The following ERV3-1 variants were observed in gnomAD, a reference collection of about 807,000 sequenced individuals.
The protein encoded by ERV3-1 is endogenous retrovirus group 3 member 1 Env polyprotein.
Under a neutral mutation model 24.6 loss-of-function variants are expected in ERV3-1, and 36 were observed. The ratio of observed to expected loss-of-function variants is 1.47; its 90% CI spans 1.12 to 1.94. ERV3-1 has a LOEUF of 1.94. Among genes scored for constraint, ERV3-1 ranks in the 30% most tolerant of loss-of-function variants. ERV3-1 has a pLI of 0.00. For synonymous variants in ERV3-1, 211 were observed against 122.6 expected (o/e 1.72, Z -4.76); for missense variants, 578 against 330.9 (o/e 1.75, Z -5.79).
In ERV3-1 at chr7:64,991,580, A is replaced by T. The variant is rs1249560483; in HGVS notation, c.1447T>A (p.Trp483Arg). 1.4e-6 allele frequency: 1 copy of T among 704,158 alleles called. No homozygotes were observed. The highest frequency in any genetic ancestry group is 2.6e-6 in the Non-Finnish European group (1 of 385,012). 43.6% of individuals were successfully genotyped at this position (704,158 alleles called of 1,614,324 possible). The change falls in exon 2 of 2, where the codon TGG (tryptophan) becomes AGG (arginine). Residue 483 changes from tryptophan (W) to arginine (R), a missense_variant. Coordinates refer to ENST00000394323, the MANE Select transcript of ERV3-1 (RefSeq NM_001007253.4). ...TATTGAATTATTCTTTCAGGAGGCC[A>T]TTCATTGTCCTTCCAATCTCCTATA... is the stretch of plus-strand genomic sequence containing the variant. ...ITIGDWKDNE[W>R]PPERIIQYYG...
intron 1 of ERV3-1, among the ~76,000 whole-genome samples, chr7:64,995,168 T>C (rs1190969486): frequency 1.3e-5 from 2 of 152,244 alleles, no homozygotes; most frequent in African/African-American, 2.4e-5. Flanking sequence ...CTCTGATCCA[T>C]TAAAGTTATA....
chr7:65,005,782 A>G (rs1294405389), intron 1 of ERV3-1, among the ~76,000 whole-genome samples: 2 of 151,956 alleles, frequency 1.3e-5, no homozygotes, highest in Non-Finnish European at 2.9e-5. Context: ...GCAGGCAATT[A>G]GACTGAGGTG....
Position 64,993,187 on chromosome 7 carries a change from C to A in ERV3-1, c.-161G>T. 8.4e-6 allele frequency: 5 copies of A among 594,354 alleles called. No individual in the cohort carries two copies. The East Asian group carries it at 1.4e-4, about 16-fold the overall frequency. The allele number at this position is 594,354 out of a possible 1,614,324, so 36.8% of individuals were successfully genotyped here. ...CTTCGGCCGTGCATAGACTAGTCAGCTTCTGGGGTGACTAGAGCAGGGCTG... is the reference window on the plus strand; with the variant it reads ...CTTCGGCCGTGCATAGACTAGTCAGATTCTGGGGTGACTAGAGCAGGGCTG... On this transcript the variant is annotated 5_prime_UTR_variant, in exon 2 of 2. Transcript: ENST00000394323.
chr7:64,991,233 T>C lies in ERV3-1; in HGVS notation c.1794A>G (p.Pro598=). ...GAGACTATCCTTTCCAAGTCTGAAC[T>C]GGGATGTGAGCTAACTTTTGGATTT... is the stretch of plus-strand genomic sequence containing the variant. The part of the protein sequence containing the change: ...TAKIQKLAHI[P]VQTWKG Residue 598 remains proline, a synonymous_variant, in exon 2 of 2, where the codon CCA becomes CCG. Transcript: ENST00000394323. 1 of 754,744 alleles carries C rather than the reference T, an allele frequency of 1.3e-6. No homozygotes were observed. The highest frequency in any genetic ancestry group is 2.4e-6 in the Non-Finnish European group (1 of 411,960). 46.8% of individuals were successfully genotyped at this position (754,744 alleles called of 1,614,324 possible).
At chr7:64,997,410 CG>C (rs1185520019) in intron 1 of ERV3-1, among the ~76,000 whole-genome samples, 1 of 152,184 alleles carries the variant, frequency 6.6e-6, no homozygotes, top group East Asian at 1.9e-4. Flanking sequence ...CAGTGTCAAA[CG>C]GGGTGTAAAG....
In ERV3-1 at chr7:64,992,297, G is replaced by A. The variant is rs377655142; in HGVS notation, c.730C>T (p.Arg244Trp). Residue 244 changes from arginine (R) to tryptophan (W), a missense_variant, in exon 2 of 2, where the codon CGG becomes TGG. Transcript: ENST00000394323. Reference sequence around the variant, plus strand: ...CGGAACTGTTGGGTTGAGCGGGTCCGAGTTTTCTTTATGATATATAGATAG... The same window carrying A: ...CGGAACTGTTGGGTTGAGCGGGTCCAAGTTTTCTTTATGATATATAGATAG... Reference protein sequence around the residue: ...YVYLYIIKKTRTRSTQQFRVF... With the variant: ...YVYLYIIKKTWTRSTQQFRVF... 5.6e-5 allele frequency: 43 copies of A among 766,094 alleles called. No individual in the cohort carries two copies. Among genetic ancestry groups the A allele is most frequent in the African/African-American group, 3.4e-4 (20 of 59,046 alleles). The allele number at this position is 766,094 out of a possible 1,614,324, so 47.5% of individuals were successfully genotyped here.
rs1470908208 is a variant in ERV3-1, at chr7:64,993,106, A to T, written c.-80T>A. 3 of 618,566 alleles carry T rather than the reference A, an allele frequency of 4.8e-6. No homozygotes were observed. The highest frequency in any genetic ancestry group is 8.7e-6 in the Non-Finnish European group (3 of 346,092). 38.3% of individuals were successfully genotyped at this position (618,566 alleles called of 1,614,324 possible). ...TAGCAAAGTAATTAATATGACAAGG[A>T]AAATTACTGGACTTCAGATTTCTAA... On this transcript the variant is annotated 5_prime_UTR_variant, in exon 2 of 2. Coordinates refer to ENST00000394323, the MANE Select transcript of ERV3-1 (RefSeq NM_001007253.4).
At chr7:64,998,010 C>A (rs1786441495) in intron 1 of ERV3-1, among the ~76,000 whole-genome samples, 1 of 152,204 alleles carries the variant, frequency 6.6e-6, no homozygotes, top group South Asian at 2.1e-4. Flanking sequence ...CCTGCTTGAT[C>A]ATCCTGACTT....
intron 1 of ERV3-1, among the ~76,000 whole-genome samples, chr7:65,001,455 G>A (rs1786522092): frequency 6.6e-6 from 1 of 152,218 alleles, no homozygotes; most frequent in Admixed American, 6.5e-5. Context: ...AAATGCTGTG[G>A]TGAAATTCCT....
At position 64,991,963 on chromosome 7, in the gene ERV3-1, T is replaced by C. The variant is rs375983958; in HGVS notation, c.1064A>G (p.Asp355Gly). 1.3e-6 allele frequency: 1 copy of C among 766,398 alleles called. No homozygotes were observed. The highest frequency in any genetic ancestry group is 1.3e-5 in the South Asian group (1 of 74,622). 47.5% of individuals were successfully genotyped at this position (766,398 alleles called of 1,614,324 possible). A position where few individuals can be genotyped will look rare whatever the true frequency, so the allele number is the denominator to read the frequency against. ...TAGGCAAGTTAACTCTCCTACTGGG[T>C]CTGTAAAGGCCTTTCCCCAGCGAGC... Reference protein sequence around the residue: ...CIARWGKAFTDPVGELTCLGQ... With the variant: ...CIARWGKAFTGPVGELTCLGQ... Residue 355 changes from aspartate to glycine, a missense_variant, in exon 2 of 2, where the codon GAC (aspartate) becomes GGC (glycine). By Grantham distance (94) the Asp-to-Gly change is moderately conservative (BLOSUM62 -1). Coordinates refer to ENST00000394323, the MANE Select transcript of ERV3-1 (RefSeq NM_001007253.4).
intron 1 of ERV3-1, among the ~76,000 whole-genome samples, chr7:65,003,311 G>A (rs1482778597): frequency 1.3e-5 from 2 of 152,076 alleles, no homozygotes; most frequent in Non-Finnish European, 2.9e-5. Context: ...GTGAAACCTC[G>A]TCTCTACTAA....
chr7:64,991,790 C>T lies in ERV3-1; in HGVS notation c.1237G>A (p.Ala413Thr), dbSNP rs1207148741. The change falls in exon 2 of 2, where the codon GCA (alanine) becomes ACA (threonine). Residue 413 changes from alanine to threonine, a missense_variant. Ala to Thr is a moderately conservative substitution (Grantham distance 58, BLOSUM62 0). Transcript: ENST00000394323. ...YQLEAPNTWQ[A>T]PSGLYWICGP... is the part of the protein sequence containing the mutation. Reference sequence around the variant, plus strand: ...CAGATCCAGTAGAGGCCAGAGGGTGCCTGCCAGGTATTTGGAGCTTCAAGT... The same window carrying T: ...CAGATCCAGTAGAGGCCAGAGGGTGTCTGCCAGGTATTTGGAGCTTCAAGT... 1.3e-6 allele frequency: 1 copy of T among 766,104 alleles called. No individual in the cohort carries two copies. Among genetic ancestry groups the T allele is most frequent in the East Asian group, 2.4e-5 (1 of 41,240 alleles). 47.5% of individuals were successfully genotyped at this position (766,104 alleles called of 1,614,324 possible).
intron 1 of ERV3-1, among the ~76,000 whole-genome samples, chr7:65,002,757 A>G (rs1786552559): frequency 6.6e-6 from 1 of 152,226 alleles, no homozygotes; most frequent in Non-Finnish European, 1.5e-5. Context: ...TGCTGACTTC[A>G]TGGTAAAACA....
At chr7:65,000,884 T>C (rs1040184832) in intron 1 of ERV3-1, among the ~76,000 whole-genome samples, 66 of 152,322 alleles carry the variant, frequency 4.3e-4, no homozygotes, top group Non-Finnish European at 1.6e-4. Flanking sequence ...ATTGTGTCCT[T>C]TGCAGAAACA....
intron 1 of ERV3-1, among the ~76,000 whole-genome samples, chr7:64,996,007 G>T (rs903286807): frequency 2.0e-5 from 3 of 152,196 alleles, no homozygotes; most frequent in African/African-American, 7.2e-5. Context: ...GCAAAGATGG[G>T]CTGACTAACT....
chr7:65,006,613 A>C lies in ERV3-1; in HGVS notation c.-461T>G. 1 of 1,557,406 alleles carries C rather than the reference A, an allele frequency of 6.4e-7. No homozygotes were observed. On this transcript the variant is annotated 5_prime_UTR_variant, in exon 1 of 2. Transcript: ENST00000394323. ...CAATACCTGCAGGTAACGAGGCCAC[A>C]GAAGCTGGGCCTCTAGGAGCAGAAG...
At chr7:65,004,915 T>G (rs1786609215) in intron 1 of ERV3-1, 1 of 151,400 alleles carries the variant, frequency 6.6e-6, no homozygotes, top group African/African-American at 2.4e-5. Context: ...TATTTTCTCT[T>G]TCATAATTCT....
chr7:64,990,967 T>C lies in ERV3-1; in HGVS notation c.*245A>G. ...TAAAGTTTAAGAGAAAGCATCACTA[T>C]CTTCATTTACTTCAAGAGGAAGTAG... On this transcript the variant is annotated 3_prime_UTR_variant, in exon 2 of 2. Coordinates refer to ENST00000394323, the MANE Select transcript of ERV3-1 (RefSeq NM_001007253.4). 1 of 365,734 alleles carries C rather than the reference T, an allele frequency of 2.7e-6. No homozygotes were observed. Among genetic ancestry groups the C allele is most frequent in the Non-Finnish European group, 4.9e-6 (1 of 203,940 alleles). 22.7% of individuals were successfully genotyped at this position (365,734 alleles called of 1,614,324 possible). A position where few individuals can be genotyped will look rare whatever the true frequency, so the allele number is the denominator to read the frequency against.
Position 64,991,657 on chromosome 7 carries a change from A to T in ERV3-1, c.1370T>A (p.Leu457Ter), listed in dbSNP as rs1321039106. 2 of 710,954 alleles carry T rather than the reference A, an allele frequency of 2.8e-6. No individual in the cohort carries two copies. The highest frequency in any genetic ancestry group is 5.3e-5 in the East Asian group (2 of 37,910). The allele number at this position is 710,954 out of a possible 1,614,324, so 44.0% of individuals were successfully genotyped here. ...AGTTTCATCATAGATGGGGTATCCT[A>T]AGGCTTCTCCCTGTTTTAGGGGCAT... ...FLMPLKQGEA[L>*]GYPIYDETKR... The change falls in exon 2 of 2, where the codon TTA becomes TAA. Residue 457 changes from leucine (L) to a stop codon, truncating the protein, a stop_gained. Transcript: ENST00000394323. LOFTEE classifies it high-confidence loss of function.
Sources: gnomAD v4.1 joint callset for allele counts (sites outside exome capture counted in the v4.1 genomes callset) on GRCh38, gnomAD v4.1.1 for gene constraint, MANE v1.5 for transcripts, NCBI Gene and HGNC (gene_info 2026-07-23, HGNC 2026-07-21) for gene names.